Variants in ROBO1 observed in about 807,000 individuals in gnomAD.
ROBO1 encodes roundabout homolog 1.
ROBO1 carries 149 observed loss-of-function variants against 195.9 expected under a neutral mutation model. The observed-to-expected ratio is 0.76, with a 90% CI of 0.67 to 0.87. ROBO1 has a LOEUF of 0.87. ROBO1 is among the 40% of genes least tolerant of loss of function. ROBO1 has a pLI of 0.00. For missense variants in ROBO1, 1,933 were observed against 2,068.3 expected, an observed-to-expected ratio of 0.93 and a Z score of 1.27; for synonymous variants, 816 against 733.2, an observed-to-expected ratio of 1.11 and a Z score of -1.82.
chr3:79,675,204 A>C (rs1055769871), intron 1 of ROBO1, among the ~76,000 whole-genome samples: 1 of 150,866 alleles, frequency 6.6e-6, no homozygotes, highest in Non-Finnish European at 1.5e-5. Flanking sequence ...ATCCCACAGG[A>C]ATTGGGATGA....
intron 3 of ROBO1, among the ~76,000 whole-genome samples, chr3:79,025,011 A>G (rs937624657): frequency 1.3e-5 from 2 of 152,188 alleles, no homozygotes; most frequent in Non-Finnish European, 2.9e-5. Context: ...GTGAGATCCC[A>G]TGTCTTTCCA....
intron 4 of ROBO1, among the ~76,000 whole-genome samples, chr3:78,751,669 T>C (rs978777635): frequency 6.6e-6 from 1 of 152,204 alleles, no homozygotes; most frequent in Non-Finnish European, 1.5e-5. Flanking sequence ...ATGGCTATCT[T>C]TGAATATATT....
intron 3 of ROBO1, among the ~76,000 whole-genome samples, chr3:78,974,017 A>C (rs2076832323): frequency 6.6e-6 from 1 of 152,176 alleles, no homozygotes; most frequent in Non-Finnish European, 1.5e-5. Flanking sequence ...GAAACTGTTA[A>C]GTATTCACCA....
intron 3 of ROBO1, among the ~76,000 whole-genome samples, chr3:78,939,486 C>T (rs944985004): frequency 3.3e-5 from 5 of 149,674 alleles, no homozygotes; most frequent in Admixed American, 1.3e-4. Flanking sequence ...GGCGTGGTGG[C>T]GGACACCTGA....
intron 2 of ROBO1, among the ~76,000 whole-genome samples, chr3:79,459,539 A>G (rs1005248678): frequency 6.6e-6 from 1 of 151,610 alleles, no homozygotes; most frequent in Admixed American, 6.6e-5. Flanking sequence ...TTTTTTCCCC[A>G]ATGACTTATT....
chr3:78,635,725 TGA>T (rs1196631302), intron 23 of ROBO1, 46 bp downstream of exon 23: 11 of 1,495,766 alleles, frequency 7.4e-6, no homozygotes, highest in African/African-American at 1.4e-5. Flanking sequence ...GTCGAGGTGC[TGA>T]GAGTATCATA....
At chr3:79,252,438 A>G (rs2082749419) in intron 2 of ROBO1, among the ~76,000 whole-genome samples, 1 of 152,156 alleles carries the variant, frequency 6.6e-6, no homozygotes, top group Non-Finnish European at 1.5e-5. Context: ...AAGGCCAAGG[A>G]TTGCCAGCAT....
At chr3:79,127,829 C>A (rs758473563) in intron 2 of ROBO1, among the ~76,000 whole-genome samples, 15 of 152,194 alleles carry the variant, frequency 9.9e-5, no homozygotes, top group Non-Finnish European at 2.1e-4. Context: ...CTACTCATCA[C>A]CTTTCTGGCC....
chr3:79,114,914 T>C (rs1303629962), intron 3 of ROBO1, among the ~76,000 whole-genome samples: 1 of 152,154 alleles, frequency 6.6e-6, no homozygotes, highest in Non-Finnish European at 1.5e-5. Context: ...GGAAATATAA[T>C]TGTTCAGTGT....
chr3:78,813,365 A>G (rs901578288), intron 4 of ROBO1, among the ~76,000 whole-genome samples: 1 of 152,118 alleles, frequency 6.6e-6, no homozygotes, highest in Non-Finnish European at 1.5e-5. Context: ...ATATTAGTCA[A>G]TTTGAAAATC....
At chr3:78,915,989 C>A (rs529751727) in intron 4 of ROBO1, among the ~76,000 whole-genome samples, 5 of 152,102 alleles carry the variant, frequency 3.3e-5, no homozygotes, top group Non-Finnish European at 7.4e-5. Context: ...CGGTGGCTCA[C>A]GCCTGTAATC....
chr3:79,169,738 A>G (rs2081133807), intron 2 of ROBO1, among the ~76,000 whole-genome samples: 1 of 152,132 alleles, frequency 6.6e-6, no homozygotes, highest in South Asian at 2.1e-4. Flanking sequence ...CACAGCTGTT[A>G]TAAGTGACTG....
intron 10 of ROBO1, among the ~76,000 whole-genome samples, chr3:78,682,483 A>G (rs1176865716): frequency 7.4e-6 from 1 of 135,272 alleles, no homozygotes; most frequent in Non-Finnish European, 1.6e-5. Flanking sequence ...GACTGTGTAT[A>G]TATGTGTATA....
At chr3:78,615,297 A>C (rs764729514) in intron 27 of ROBO1, among the ~76,000 whole-genome samples, 37 of 152,328 alleles carry the variant, frequency 2.4e-4, no homozygotes, top group Non-Finnish European at 4.7e-4. Context: ...AGACAGACTC[A>C]GGTGTATTCT....
chr3:79,238,566 T>C (rs1425303438), intron 2 of ROBO1, among the ~76,000 whole-genome samples: 1 of 152,244 alleles, frequency 6.6e-6, no homozygotes, highest in Non-Finnish European at 1.5e-5. Context: ...CCCTCATTTA[T>C]AAAGTGGAGA....
chr3:79,282,579 A>G (rs1447620681), intron 2 of ROBO1, among the ~76,000 whole-genome samples: 2 of 152,238 alleles, frequency 1.3e-5, no homozygotes, highest in Non-Finnish European at 2.9e-5. Flanking sequence ...AACCTGTGGA[A>G]CAAGGGAGAA....
intron 4 of ROBO1, among the ~76,000 whole-genome samples, chr3:78,928,044 C>T (rs1170401513): frequency 1.3e-5 from 2 of 152,128 alleles, no homozygotes; most frequent in Admixed American, 6.5e-5. Context: ...TTAATCCTTC[C>T]CAAACCTCTA....
intron 2 of ROBO1, among the ~76,000 whole-genome samples, chr3:79,430,492 A>G (rs1344693432): frequency 6.6e-6 from 1 of 152,112 alleles, no homozygotes; most frequent in Non-Finnish European, 1.5e-5. Context: ...GACCCCTAAG[A>G]AATGAACGGT....
chr3:79,058,526 G>A (rs550915251), intron 3 of ROBO1, among the ~76,000 whole-genome samples: 8 of 151,994 alleles, frequency 5.3e-5, no homozygotes, highest in Admixed American at 2.6e-4. Flanking sequence ...CCCCACTACC[G>A]TCCCCCTCCC....
Sources: allele counts gnomAD v4.1 joint callset (sites outside exome capture counted in the v4.1 genomes callset), GRCh38; gene constraint gnomAD v4.1.1; transcripts MANE v1.5; gene names NCBI Gene and HGNC (gene_info 2026-07-23, HGNC 2026-07-21).